The following RNF144A variants were observed in gnomAD, a reference collection of about 807,000 sequenced individuals.
RNF144A encodes E3 ubiquitin-protein ligase RNF144A.
In RNF144A, 11 loss-of-function variants were observed where a neutral mutation model predicts 38.7. That is an observed-to-expected ratio of 0.28 (90% CI 0.18 to 0.47). RNF144A has a LOEUF of 0.47. RNF144A is among the 20% of genes least tolerant of loss of function. The pLI is 0.99. For missense variants in RNF144A, 316 were observed against 377.2 expected (o/e 0.84, Z 1.34); for synonymous variants, 149 against 143.9 (o/e 1.04, Z -0.25).
At position 7,041,271 on chromosome 2, in the gene RNF144A, C is replaced by G; in HGVS notation, c.*1511C>G. ...TTGCTTTGTGTGTGTTTGACTTCTGCATTTGAGTATCAGTCTCAGGTCCTA... is the reference window on the plus strand; with the variant it reads ...TTGCTTTGTGTGTGTTTGACTTCTGGATTTGAGTATCAGTCTCAGGTCCTA... On this transcript the variant is annotated 3_prime_UTR_variant, in exon 9 of 9. Coordinates refer to ENST00000320892, the MANE Select transcript of RNF144A (RefSeq NM_014746.6). The G allele has an allele frequency of 1.0e-6, 1 of 985,752 alleles. No individual in the cohort carries two copies. The highest frequency in any genetic ancestry group is 1.2e-6 in the Non-Finnish European group (1 of 829,916). 61.1% of individuals were successfully genotyped at this position (985,752 alleles called of 1,614,324 possible). A position where few individuals can be genotyped will look rare whatever the true frequency, so the allele number is the denominator to read the frequency against.
intron 2 of RNF144A, among the ~76,000 whole-genome samples, chr2:6,987,620 C>T (rs1213954285): frequency 6.6e-6 from 1 of 152,188 alleles, no homozygotes. Flanking sequence ...GACCCTTCAC[C>T]CTCACCTGCA....
chr2:6,932,450 A>G (rs542369930), intron 1 of RNF144A, among the ~76,000 whole-genome samples: 27 of 152,284 alleles, frequency 1.8e-4, no homozygotes, highest in African/African-American at 6.5e-4. Flanking sequence ...GTGTATTGCT[A>G]TTTGGAGATT....
intron 2 of RNF144A, among the ~76,000 whole-genome samples, chr2:6,975,182 C>T (rs1040804575): frequency 5.9e-5 from 9 of 152,264 alleles, no homozygotes; most frequent in South Asian, 2.1e-4. Context: ...CAGAGGACTA[C>T]GAAAGGCACA....
intron 1 of RNF144A, among the ~76,000 whole-genome samples, chr2:6,919,103 AG>A (rs1401619314): frequency 6.6e-6 from 1 of 152,148 alleles, no homozygotes; most frequent in African/African-American, 2.4e-5. Flanking sequence ...GGGAGCCCCC[AG>A]GAGGGAAGGG....
chr2:6,954,998 C>A (rs771274900), intron 2 of RNF144A, among the ~76,000 whole-genome samples: 3 of 152,154 alleles, frequency 2.0e-5, no homozygotes, highest in Non-Finnish European at 2.9e-5. Context: ...ACCTCTTTGA[C>A]CTATTTTTTT....
At chr2:6,961,680 C>T (rs771319) in intron 2 of RNF144A, among the ~76,000 whole-genome samples, 2,974 of 152,288 alleles carry the variant, frequency 0.02, 100 homozygotes, top group African/African-American at 0.068. Context: ...TGGCACATGA[C>T]TTTGAATACC....
chr2:7,025,402 G>A (rs1336458841), intron 7 of RNF144A, among the ~76,000 whole-genome samples: 1 of 152,196 alleles, frequency 6.6e-6, no homozygotes, highest in African/African-American at 2.4e-5. Flanking sequence ...GGCCAGCCTC[G>A]GTGGCTCACG....
At chr2:6,990,154 T>C (rs1457282440) in intron 2 of RNF144A, among the ~76,000 whole-genome samples, 1 of 152,130 alleles carries the variant, frequency 6.6e-6, no homozygotes, top group Non-Finnish European at 1.5e-5. Flanking sequence ...CTTGCAGTTC[T>C]GGAGGCTGGA....
rs187293161 is a variant in RNF144A at position 7,029,173 on chromosome 2, A to G, written c.658-953A>G. Among the ~76,000 whole-genome samples, 7 of 152,388 alleles carry G rather than the reference A, an allele frequency of 4.6e-5. No homozygotes were observed. In the East Asian group the frequency reaches 1.3e-3, roughly 29 times the overall value. On this transcript the variant is annotated intron_variant, in intron 7 of 8. Transcript: ENST00000320892. ...TTTGTTTGTTCTTTTCTGAAAAAGC[A>G]GCTGTCTGTTTACAGCCTCCTTTAA...
rs368483676 is a variant in RNF144A at position 7,029,308 on chromosome 2, T to C, written c.658-818T>C. On this transcript the variant is annotated intron_variant, in intron 7 of 8. Transcript: ENST00000320892. ...TCCTGGAGGCATAGAGGGCTCGGTA[T>C]AGAAATGCCATTCCCCTCACGCCAG... is the stretch of plus-strand genomic sequence containing the variant. Among the ~76,000 whole-genome samples, 75 of 152,304 alleles carry C rather than the reference T, an allele frequency of 4.9e-4. 2 individuals carry two copies. In the South Asian group the frequency reaches 0.015, roughly 31 times the overall value.
intron 8 of RNF144A, among the ~76,000 whole-genome samples, chr2:7,036,891 A>G (rs532949652): frequency 2.2e-4 from 33 of 152,302 alleles, no homozygotes; most frequent in African/African-American, 7.9e-4. Context: ...TGGGTCGGAC[A>G]TTGATTATGA....
intron 2 of RNF144A, among the ~76,000 whole-genome samples, chr2:6,970,027 T>C (rs573693910): frequency 1.3e-5 from 2 of 152,362 alleles, no homozygotes; most frequent in East Asian, 3.9e-4. Context: ...CCCAAAGTGC[T>C]GGGATTACAG....
At chr2:7,036,707 T>TG (rs1194754915) in intron 8 of RNF144A, among the ~76,000 whole-genome samples, 3 of 152,214 alleles carry the variant, frequency 2.0e-5, no homozygotes, top group African/African-American at 7.2e-5. Context: ...ATTCTGAACT[T>TG]GTCTGTGCCA....
chr2:7,016,228 T>C (rs961197070), intron 5 of RNF144A, among the ~76,000 whole-genome samples: 1 of 152,100 alleles, frequency 6.6e-6, no homozygotes, highest in African/African-American at 2.4e-5. Context: ...AAGTGTCGTA[T>C]ATCATTTGCT....
chr2:6,979,588 C>T (rs1668509668), intron 2 of RNF144A, among the ~76,000 whole-genome samples: 1 of 151,490 alleles, frequency 6.6e-6, no homozygotes, highest in African/African-American at 2.4e-5. Flanking sequence ...GTGAAACAAT[C>T]AGATTAGCAA....
rs1161872301 is a variant in RNF144A, at chr2:7,049,474, C to T, written c.735-18742C>T. 3.9e-5 allele frequency among the ~76,000 whole-genome samples: 6 copies of T among 152,148 alleles called. 1 individual carries two copies. Among genetic ancestry groups the T allele is most frequent in the Admixed American group, 3.9e-4 (6 of 15,282 alleles). Reference sequence around the variant, plus strand: ...CTGGAGATTTTGTTTGCTGATTTCACCTGGCATACAAAATCCTGAAAAACG... The same window carrying T: ...CTGGAGATTTTGTTTGCTGATTTCATCTGGCATACAAAATCCTGAAAAACG... On this transcript the variant is annotated intron_variant, in intron 6 of 6. Transcript: ENST00000432850.
chr2:7,073,114 G>T (rs1160827942), downstream of RNF144A, among the ~76,000 whole-genome samples: 1 of 152,154 alleles, frequency 6.6e-6, no homozygotes, highest in Admixed American at 6.5e-5. Flanking sequence ...GTTCCCCAAA[G>T]AACCCTGTCG....
intron 3 of RNF144A, among the ~76,000 whole-genome samples, chr2:7,002,561 A>C (rs534805435): frequency 6.6e-6 from 1 of 152,204 alleles, no homozygotes; most frequent in Non-Finnish European, 1.5e-5. Context: ...TGATGGGTCC[A>C]GATTGAGAGG....
chr2:6,950,216 C>T (rs910621021), intron 2 of RNF144A, among the ~76,000 whole-genome samples: 6 of 152,190 alleles, frequency 3.9e-5, no homozygotes, highest in African/African-American at 1.4e-4. Context: ...CCACCTTTCC[C>T]CTGAGCTACC....
Sources: allele counts gnomAD v4.1 joint callset (sites outside exome capture counted in the v4.1 genomes callset), GRCh38; gene constraint gnomAD v4.1.1; transcripts MANE v1.5; gene names NCBI Gene and HGNC (gene_info 2026-07-23, HGNC 2026-07-21).